The following HTR2A variants were observed in gnomAD, a reference collection of about 807,000 sequenced individuals.
HTR2A encodes the protein 5-HT2 receptor.
Under a neutral mutation model 31.0 loss-of-function variants are expected in HTR2A, and 14 were observed. The observed-to-expected ratio is 0.45, with a 90% CI of 0.30 to 0.71. HTR2A has a LOEUF of 0.71. HTR2A is among the 30% of genes least tolerant of loss of function. The probability of loss-of-function intolerance (pLI) is 0.09; values close to 1 mark genes in which losing one functional copy is unlikely to be tolerated. For synonymous variants in HTR2A, 209 were observed against 225.2 expected (o/e 0.93, Z 0.64); for missense variants, 442 against 573.3 (o/e 0.77, Z 2.34).
chr13:46,850,031 T>C (rs1289261746), intron 3 of HTR2A, among the ~76,000 whole-genome samples: 2 of 152,218 alleles, frequency 1.3e-5, no homozygotes, highest in Non-Finnish European at 2.9e-5. Flanking sequence ...CCTTATTACC[T>C]TAGTTATCTT....
chr13:46,892,038 A>T (rs1221470893), intron 3 of HTR2A, among the ~76,000 whole-genome samples: 1 of 152,222 alleles, frequency 6.6e-6, no homozygotes. Context: ...CCTTACGTTG[A>T]TCATAAGTTC....
At chr13:46,870,099 T>TA (rs1950853659) in intron 3 of HTR2A, among the ~76,000 whole-genome samples, 1 of 152,164 alleles carries the variant, frequency 6.6e-6, no homozygotes, top group Non-Finnish European at 1.5e-5. Flanking sequence ...TTGTGACTTT[T>TA]AAAAATATGA....
intron 3 of HTR2A, among the ~76,000 whole-genome samples, chr13:46,863,347 T>G (rs1950794203): frequency 6.6e-6 from 1 of 151,936 alleles, no homozygotes; most frequent in Non-Finnish European, 1.5e-5. Context: ...ATTGGCCCGG[T>G]GTGGTGGCTC....
chr13:46,879,258 C>A (rs182178495), intron 3 of HTR2A, among the ~76,000 whole-genome samples: 231 of 152,308 alleles, frequency 1.5e-3, no homozygotes, highest in Admixed American at 4.8e-3. Flanking sequence ...TGAAGGATAA[C>A]TTCACTTTGT....
At chr13:46,847,348 A>G (rs1463559981) in intron 3 of HTR2A, among the ~76,000 whole-genome samples, 1 of 152,216 alleles carries the variant, frequency 6.6e-6, no homozygotes, top group Admixed American at 6.5e-5. Context: ...AGTGTTTAAC[A>G]GTTAAAAATG....
Position 46,892,497 on chromosome 13 carries a change from A to G in HTR2A, c.506T>C (p.Ile169Thr). The G allele has an allele frequency of 1.9e-6, 3 of 1,614,198 alleles. No homozygotes were observed. Among genetic ancestry groups the G allele is most frequent in the Non-Finnish European group, 2.5e-6 (3 of 1,180,040 alleles). ...STASIMHLCA[I>T]SLDRYVAIQN... ...GATGGCGACGTAGCGGTCCAGCGAG[A>G]TGGCGCAGAGGTGCATGATGGAGGC... Residue 169 changes from isoleucine to threonine, a missense_variant, in exon 3 of 4, where the codon ATC (isoleucine) becomes ACC (threonine). Physicochemically the swap from Ile to Thr is moderately conservative, Grantham distance 89 (BLOSUM62 -1). Around this residue, in one of 5 missense-constraint regions of HTR2A, gnomAD observed 86 missense variants for 179.1 expected, o/e 0.48. Coordinates refer to ENST00000542664, the MANE Select transcript of HTR2A (RefSeq NM_000621.5).
intron 3 of HTR2A, among the ~76,000 whole-genome samples, chr13:46,887,138 G>T (rs866436717): frequency 6.6e-6 from 1 of 152,034 alleles, no homozygotes; most frequent in South Asian, 2.1e-4. Context: ...ATTACCAGGC[G>T]GCCAGGCGCA....
At chr13:46,850,292 G>A (rs1479028103) in intron 3 of HTR2A, among the ~76,000 whole-genome samples, 1 of 152,180 alleles carries the variant, frequency 6.6e-6, no homozygotes, top group Non-Finnish European at 1.5e-5. Flanking sequence ...TACTTACATG[G>A]TGCTTACTGT....
intron 3 of HTR2A, among the ~76,000 whole-genome samples, chr13:46,873,819 T>G (rs1375169328): frequency 1.3e-5 from 2 of 152,216 alleles, no homozygotes; most frequent in Non-Finnish European, 2.9e-5. Context: ...TCAGTCATAT[T>G]CTTGTCTTTC....
intron 3 of HTR2A, among the ~76,000 whole-genome samples, chr13:46,865,385 A>G (rs1438057730): frequency 6.6e-6 from 1 of 152,198 alleles, no homozygotes; most frequent in Non-Finnish European, 1.5e-5. Context: ...AAAATATTAC[A>G]TGCCTAGAAA....
Position 46,896,692 on chromosome 13 carries a change from C to T in HTR2A, c.-347G>A. On this transcript the variant is annotated 5_prime_UTR_variant, in exon 1 of 4. It adds an upstream start codon to the 5' untranslated region. Coordinates refer to ENST00000542664, the MANE Select transcript of HTR2A (RefSeq NM_000621.5). ...AACTTACATTTGTCTTCAGGGTCCA[C>T]ACATGAGATACATTTGTTATTCTGT... 1 of 1,534,330 alleles carries T rather than the reference C, an allele frequency of 6.5e-7. No homozygotes were observed. The highest frequency in any genetic ancestry group is 8.7e-7 in the Non-Finnish European group (1 of 1,145,366).
intron 3 of HTR2A, among the ~76,000 whole-genome samples, chr13:46,873,427 TTTATTA>T (rs56356002): frequency 0.03 from 4,330 of 144,756 alleles, 205 homozygotes; most frequent in African/African-American, 0.1. Flanking sequence ...TAATATAAAA[TTTATTA>T]TTATTATTAT....
At position 46,850,095 on chromosome 13, in the gene HTR2A, A is replaced by C. The variant is rs528816118; in HGVS notation, c.614-14456T>G. Among the ~76,000 whole-genome samples the C allele has an allele frequency of 3.9e-5, 6 of 152,312 alleles. No individual in the cohort carries two copies. The East Asian group carries it at 7.7e-4, about 20-fold the overall frequency. On this transcript the variant is annotated intron_variant, in intron 3 of 3. Transcript: ENST00000542664. ...GATCATTTGGGGGCTAACAATTCTGACAAAGTAGGGCTTTATAGAAGTTGA... is the reference window on the plus strand; with the variant it reads ...GATCATTTGGGGGCTAACAATTCTGCCAAAGTAGGGCTTTATAGAAGTTGA...
intron 3 of HTR2A, among the ~76,000 whole-genome samples, chr13:46,873,921 A>T (rs1950885713): frequency 6.6e-6 from 1 of 152,216 alleles, no homozygotes; most frequent in Non-Finnish European, 1.5e-5. Flanking sequence ...TCTGAAGGCC[A>T]TAACCAGAAT....
At chr13:46,854,742 A>C (rs1486872892) in intron 3 of HTR2A, among the ~76,000 whole-genome samples, 2 of 152,228 alleles carry the variant, frequency 1.3e-5, no homozygotes, top group African/African-American at 4.8e-5. Context: ...ATATTTTGAT[A>C]GCATTCCAAA....
At chr13:46,840,860 A>T (rs564715385) in intron 3 of HTR2A, among the ~76,000 whole-genome samples, 21 of 152,294 alleles carry the variant, frequency 1.4e-4, no homozygotes, top group African/African-American at 5.1e-4. Context: ...ATGACTAATA[A>T]GCACTAAATT....
At chr13:46,877,305 C>T (rs753981075) in intron 3 of HTR2A, among the ~76,000 whole-genome samples, 19 of 152,144 alleles carry the variant, frequency 1.2e-4, no homozygotes, top group Non-Finnish European at 2.2e-4. Context: ...CGAAAGCTCA[C>T]CAACTTGATT....
intron 3 of HTR2A, among the ~76,000 whole-genome samples, chr13:46,835,979 C>T (rs888572434): frequency 2.0e-5 from 3 of 151,934 alleles, no homozygotes; most frequent in East Asian, 1.9e-4. Flanking sequence ...TGTCCAATAA[C>T]GTCACCATCT....
At chr13:46,853,644 T>C (rs1378551765) in intron 3 of HTR2A, among the ~76,000 whole-genome samples, 2 of 152,140 alleles carry the variant, frequency 1.3e-5, no homozygotes, top group Non-Finnish European at 2.9e-5. Flanking sequence ...CTGGAGAAGA[T>C]ACTGGGCTGA....
Sources: gnomAD v4.1 joint callset for allele counts (sites outside exome capture counted in the v4.1 genomes callset) on GRCh38, gnomAD v4.1.1 for gene constraint, gnomAD v4.1.1 regional missense constraint, MANE v1.5 for transcripts, NCBI Gene and HGNC (gene_info 2026-07-23, HGNC 2026-07-21) for gene names.